The following C19orf44 variants were observed in gnomAD, a reference collection of about 807,000 sequenced individuals.
The protein encoded by C19orf44 is uncharacterized protein C19orf44.
C19orf44 carries 43 observed loss-of-function variants against 50.7 expected under a neutral mutation model. The ratio of observed to expected loss-of-function variants is 0.85; its 90% CI spans 0.66 to 1.09. The LOEUF is 1.09. C19orf44 is among the 50% of genes least tolerant of loss of function. The pLI, the probability that C19orf44 is intolerant of heterozygous loss-of-function variation, is 0.00. For missense variants in C19orf44, 722 were observed against 836.2 expected, an observed-to-expected ratio of 0.86 and a Z score of 1.68; for synonymous variants, 298 against 334.7, an observed-to-expected ratio of 0.89 and a Z score of 1.20.
At chr19:16,511,658 G>A (rs1193401781) in intron 5 of C19orf44, among the ~76,000 whole-genome samples, 2 of 151,996 alleles carry the variant, frequency 1.3e-5, no homozygotes, top group African/African-American at 4.8e-5. Context: ...TCGGCCCACT[G>A]CCTCCTCCAC....
Position 16,521,007 on chromosome 19 carries a change from G to T in C19orf44, c.*954G>T. ...AGGAGTTAATCCACAGAACCTTGGA[G>T]AGTACATGGCCCTGTGGCTGTGGGC... On this transcript the variant is annotated 3_prime_UTR_variant, in exon 9 of 9. Transcript: ENST00000221671. 1 of 1,065,354 alleles carries T rather than the reference G, an allele frequency of 9.4e-7. No homozygotes were observed. The highest frequency in any genetic ancestry group is 1.4e-6 in the Non-Finnish European group (1 of 692,790). The allele number at this position is 1,065,354 out of a possible 1,614,324, so 66.0% of individuals were successfully genotyped here. A position where few individuals can be genotyped will look rare whatever the true frequency, so the allele number is the denominator to read the frequency against.
At chr19:16,506,809 GT>G in intron 4 of C19orf44, 35 bp downstream of exon 4, 3 of 1,465,022 alleles carry the variant, frequency 2.0e-6, no homozygotes, top group Non-Finnish European at 1.9e-6. Context: ...ATGGTCGATT[GT>G]TTTTGGCTTC....
In C19orf44 at chr19:16,519,482, T is replaced by A; in HGVS notation, c.*41-612T>A. On this transcript the variant is annotated intron_variant, in intron 8 of 8. Coordinates refer to ENST00000221671, the MANE Select transcript of C19orf44 (RefSeq NM_032207.4). This position sits in a 1 kb window ranked among gnomAD's most constrained non-coding sequence, Gnocchi z 6.0. ...AGAGAGAACCCGCAGGCCGGCCCTG[T>A]CTAGAGGGTCTGGGTGGAGTCAGAA... 3.2e-6 allele frequency: 4 copies of A among 1,254,774 alleles called. No individual in the cohort carries two copies. The highest frequency in any genetic ancestry group is 4.5e-6 in the Non-Finnish European group (4 of 879,696). The allele number at this position is 1,254,774 out of a possible 1,614,324, so 77.7% of individuals were successfully genotyped here. A position where few individuals can be genotyped will look rare whatever the true frequency, so the allele number is the denominator to read the frequency against.
rs1231784781 is a variant in C19orf44, at chr19:16,500,775, C to T, written c.-1-17C>T. On this transcript the variant is annotated splice_polypyrimidine_tract_variant and intron_variant, in intron 1 of 8. Transcript: ENST00000221671. ...CAGCAGGTACTCTTATGCAAAATTG[C>T]TCCTCTTCCTCCACAGAATGGCTTC... 1 of 1,545,124 alleles carries T rather than the reference C, an allele frequency of 6.5e-7. No individual in the cohort carries two copies. The highest frequency in any genetic ancestry group is 8.7e-7 in the Non-Finnish European group (1 of 1,149,706).
chr19:16,520,827 T>C lies in C19orf44; in HGVS notation c.*774T>C, dbSNP rs1263783139. On this transcript the variant is annotated 3_prime_UTR_variant, in exon 9 of 9. Transcript: ENST00000221671. The surrounding 1 kb of genome is among the most constrained non-coding windows in gnomAD (Gnocchi z 4.0). ...CACTGCAGACATCTGCGCTTTTACCTGTTCCTCTTCTCCTGGCCTTTCCTC... is the reference window on the plus strand; with the variant it reads ...CACTGCAGACATCTGCGCTTTTACCCGTTCCTCTTCTCCTGGCCTTTCCTC... 6 of 1,613,688 alleles carry C rather than the reference T, an allele frequency of 3.7e-6. No homozygotes were observed. The South Asian group carries it at 5.5e-5, about 15-fold the overall frequency.
rs770540187 is a variant in C19orf44, at chr19:16,503,261, C to A, written c.956C>A (p.Ala319Asp). Residue 319 changes from alanine to aspartate, a missense_variant, in exon 3 of 9, where the codon GCC becomes GAC. Transcript: ENST00000221671. The part of the protein sequence containing the change: ...SHTPSVSITG[A>D]FSNSVSLKMG... ...ACGCCGTCAGTTTCCATCACAGGCG[C>A]CTTTTCAAACTCAGTGTCTTTAAAG... 1.2e-6 allele frequency: 2 copies of A among 1,614,148 alleles called. No individual in the cohort carries two copies. Among genetic ancestry groups the A allele is most frequent in the South Asian group, 2.2e-5 (2 of 91,084 alleles).
At chr19:16,503,697 T>C (rs2093432342) in intron 3 of C19orf44, among the ~76,000 whole-genome samples, 1 of 152,152 alleles carries the variant, frequency 6.6e-6, no homozygotes, top group African/African-American at 2.4e-5. Flanking sequence ...CCTGACCAGC[T>C]GGGACCACAA....
At chr19:16,503,597 T>C (rs561043640) in intron 3 of C19orf44, among the ~76,000 whole-genome samples, 1 of 152,308 alleles carries the variant, frequency 6.6e-6, no homozygotes, top group Admixed American at 6.5e-5. Context: ...AGGGTCTTGC[T>C]CTGTCGCTCA....
At chr19:16,503,603 G>A (rs1441398898) in intron 3 of C19orf44, among the ~76,000 whole-genome samples, 8 of 152,044 alleles carry the variant, frequency 5.3e-5, no homozygotes, top group Admixed American at 4.6e-4. Context: ...TTGCTCTGTC[G>A]CTCAGGCTGG....
chr19:16,508,444 T>A (rs1399681234), intron 4 of C19orf44, among the ~76,000 whole-genome samples: 15 of 152,112 alleles, frequency 9.9e-5, no homozygotes, highest in Non-Finnish European at 1.5e-4. Context: ...CAGGCTGGAA[T>A]GCAGTTGGGG....
At chr19:16,497,614 G>A (rs1360917457) in intron 1 of C19orf44, among the ~76,000 whole-genome samples, 1 of 152,114 alleles carries the variant, frequency 6.6e-6, no homozygotes, top group African/African-American at 2.4e-5. Flanking sequence ...CTCCCAAAGT[G>A]CTGGGATTAC....
intron 5 of C19orf44, among the ~76,000 whole-genome samples, chr19:16,510,386 A>G (rs1290919193): frequency 1.3e-5 from 2 of 151,900 alleles, no homozygotes; most frequent in Non-Finnish European, 2.9e-5. Context: ...GGGTGACAGA[A>G]TGAGACTCTG....
intron 7 of C19orf44, among the ~76,000 whole-genome samples, chr19:16,516,891 C>G (rs958663912): frequency 1.1e-4 from 17 of 152,246 alleles, no homozygotes; most frequent in African/African-American, 4.1e-4. Flanking sequence ...CCATCCGATG[C>G]AGGCAGAAGC....
chr19:16,512,886 G>T, intron 5 of C19orf44, 128 bp from the exon 6 acceptor site: 10 of 644,498 alleles, frequency 1.6e-5, no homozygotes, highest in South Asian at 4.1e-5. Flanking sequence ...AAAAATGCAA[G>T]AGTGGCGATC....
intron 4 of C19orf44, 26 bp downstream of exon 4, chr19:16,506,800 TG>T: frequency 6.6e-7 from 1 of 1,519,744 alleles, no homozygotes; most frequent in Non-Finnish European, 8.9e-7. Flanking sequence ...TCATTTTTCA[TG>T]GTCGATTGTT....
At position 16,520,705 on chromosome 19, in the gene C19orf44, A is replaced by G; in HGVS notation, c.*652A>G. 8.4e-7 allele frequency: 1 copy of G among 1,193,460 alleles called. No individual in the cohort carries two copies. Among genetic ancestry groups the G allele is most frequent in the Non-Finnish European group, 1.2e-6 (1 of 814,692 alleles). The allele number at this position is 1,193,460 out of a possible 1,614,324, so 73.9% of individuals were successfully genotyped here. A position where few individuals can be genotyped will look rare whatever the true frequency, so the allele number is the denominator to read the frequency against. ...TGTGAATTCAGGCCTTGTGGAAAACACCGCCCCATAGGCACAGGCTGTGTG... is the reference window on the plus strand; with the variant it reads ...TGTGAATTCAGGCCTTGTGGAAAACGCCGCCCCATAGGCACAGGCTGTGTG... On this transcript the variant is annotated 3_prime_UTR_variant, in exon 9 of 9. Transcript: ENST00000221671. The surrounding 1 kb of genome is among the most constrained non-coding windows in gnomAD (Gnocchi z 4.0).
intron 2 of C19orf44, among the ~76,000 whole-genome samples, chr19:16,502,674 G>A (rs1460693521): frequency 6.6e-6 from 1 of 152,076 alleles, no homozygotes; most frequent in Non-Finnish European, 1.5e-5. Context: ...CCCGCTAATT[G>A]CACTGTCTGT....
chr19:16,496,774 T>G (rs1785113693), intron 1 of C19orf44: 1 of 152,844 alleles, frequency 6.5e-6, no homozygotes, highest in Non-Finnish European at 1.5e-5. Context: ...GACTCCGTTA[T>G]TTTTAGTAAA....
chr19:16,504,441 C>G (rs182137116), intron 3 of C19orf44, among the ~76,000 whole-genome samples: 169 of 152,096 alleles, frequency 1.1e-3, no homozygotes, highest in Non-Finnish European at 2.0e-3. Context: ...TCAGGTCTGC[C>G]CCTGCTCCAC....
Sources: gnomAD v4.1 joint callset for allele counts (sites outside exome capture counted in the v4.1 genomes callset) on GRCh38, gnomAD v4.1.1 for gene constraint, Gnocchi (gnomAD v3.1) non-coding constraint, MANE v1.5 for transcripts, NCBI Gene and HGNC (gene_info 2026-07-23, HGNC 2026-07-21) for gene names.